The following SNUPN variants were observed in gnomAD, a reference collection of about 807,000 sequenced individuals.
The protein encoded by SNUPN is snurportin-1.
SNUPN carries 31 observed loss-of-function variants against 39.2 expected under a neutral mutation model. The ratio of observed to expected loss-of-function variants is 0.79; its 90% CI spans 0.59 to 1.07. The LOEUF (loss-of-function observed/expected upper bound fraction) is 1.07, where lower values mean the gene tolerates loss of function less well. Ranked by LOEUF, SNUPN falls within the 50% of genes least tolerant of loss-of-function variation. SNUPN has a pLI of 0.00. For synonymous variants in SNUPN, 132 were observed against 159.0 expected (o/e 0.83, Z 1.28); for missense variants, 382 against 434.2 (o/e 0.88, Z 1.07).
intron 2 of SNUPN, among the ~76,000 whole-genome samples, chr15:75,620,592 C>G (rs150657422): frequency 6.6e-6 from 1 of 152,120 alleles, no homozygotes; most frequent in African/African-American, 2.4e-5. Context: ...GCGTGGCTTT[C>G]GCAAGTTCCT....
chr15:75,621,554 G>GC (rs1180018708), intron 1 of SNUPN, among the ~76,000 whole-genome samples: 1 of 152,056 alleles, frequency 6.6e-6, no homozygotes, highest in Admixed American at 6.6e-5. Flanking sequence ...GAGCCACTGC[G>GC]CCCGGCCTTT....
intron 1 of SNUPN, 135 bp from the exon 2 acceptor site, chr15:75,621,191 T>G: frequency 1.3e-6 from 1 of 776,560 alleles, no homozygotes; most frequent in Non-Finnish European, 2.1e-6. Context: ...AGTGTTTCCA[T>G]GAGACAAAAG....
intron 2 of SNUPN, among the ~76,000 whole-genome samples, chr15:75,618,713 A>C (rs1295299943): frequency 6.6e-6 from 1 of 152,176 alleles, no homozygotes; most frequent in Non-Finnish European, 1.5e-5. Context: ...CACACACCAG[A>C]GAGAACATAT....
chr15:75,611,305 T>G (rs1306754590), intron 3 of SNUPN, among the ~76,000 whole-genome samples: 1 of 150,032 alleles, frequency 6.7e-6, no homozygotes, highest in African/African-American at 2.4e-5. Context: ...CAGGCTGGAG[T>G]GCAGTGGCGC....
intron 1 of SNUPN, among the ~76,000 whole-genome samples, chr15:75,622,035 C>CA (rs1444565229): frequency 6.6e-6 from 1 of 150,746 alleles, no homozygotes; most frequent in African/African-American, 2.5e-5. Context: ...GACTTCATCT[C>CA]AAAAAACAAA....
chr15:75,622,356 G>C, intron 1 of SNUPN: 1 of 985,456 alleles, frequency 1.0e-6, no homozygotes. Flanking sequence ...AAAAGAGCTA[G>C]GATGTGGAAG....
At position 75,598,362 on chromosome 15, in the gene SNUPN, T is replaced by C. The variant is rs1382205534; in HGVS notation, c.1079A>G (p.Asn360Ser). ...TCCTTAAGGAGGCTTCTCTCTTTAA[T>C]TCTCCATGAGGCATCCAGGGTGGTC... ...SPDHPGCLMEN is the reference protein window; with the variant it reads ...SPDHPGCLMES The change falls in exon 9 of 9, where the codon AAT becomes AGT. Residue 360 changes from asparagine (N) to serine (S), a missense_variant. Coordinates refer to ENST00000308588, the MANE Select transcript of SNUPN (RefSeq NM_005701.4). 6.2e-7 allele frequency: 1 copy of C among 1,611,792 alleles called. No individual in the cohort carries two copies. Among genetic ancestry groups the C allele is most frequent in the South Asian group, 1.1e-5 (1 of 90,962 alleles).
At chr15:75,608,030 A>C (rs1404699439) in intron 5 of SNUPN, among the ~76,000 whole-genome samples, 4 of 152,124 alleles carry the variant, frequency 2.6e-5, no homozygotes, top group African/African-American at 9.7e-5. Context: ...AGTAGGGGAA[A>C]GACATGGGAT....
At chr15:75,610,079 G>A (rs1892738955) in intron 3 of SNUPN, 85 bp from the exon 4 acceptor site, 2 of 1,036,422 alleles carry the variant, frequency 1.9e-6, no homozygotes, top group Non-Finnish European at 3.0e-6. Context: ...TATCCTGTGT[G>A]TATATTAAAA....
At chr15:75,604,908 T>G (rs1211795870) in intron 7 of SNUPN, among the ~76,000 whole-genome samples, 1 of 152,164 alleles carries the variant, frequency 6.6e-6, no homozygotes, top group African/African-American at 2.4e-5. Flanking sequence ...AAGTCCATTG[T>G]GTCATTCTTA....
At chr15:75,604,277 C>T (rs1371972706) in intron 7 of SNUPN, among the ~76,000 whole-genome samples, 8 of 151,252 alleles carry the variant, frequency 5.3e-5, no homozygotes, top group African/African-American at 1.2e-4. Context: ...TCTCCTGCCT[C>T]AGCCTCCCAA....
chr15:75,607,775 A>C (rs1481461635), intron 5 of SNUPN, among the ~76,000 whole-genome samples: 1 of 152,226 alleles, frequency 6.6e-6, no homozygotes, highest in African/African-American at 2.4e-5. Flanking sequence ...GCTAAATTAC[A>C]GAGCTCATAC....
At chr15:75,600,899 T>G in intron 8 of SNUPN, 1 of 416,900 alleles carries the variant, frequency 2.4e-6, no homozygotes. Context: ...ATCTGTAAGA[T>G]GAGGGAGTTG....
chr15:75,622,046 C>A (rs7177361), intron 1 of SNUPN, among the ~76,000 whole-genome samples: 150,502 of 151,954 alleles, frequency 0.99, 74,534 homozygotes, highest in Non-Finnish European at 1. Flanking sequence ...AAAAAACAAA[C>A]AAACAAACAA....
At chr15:75,619,501 G>A (rs928391406) in intron 2 of SNUPN, among the ~76,000 whole-genome samples, 5 of 151,880 alleles carry the variant, frequency 3.3e-5, no homozygotes, top group Non-Finnish European at 7.4e-5. Flanking sequence ...AATTAGCCAG[G>A]TGCTATGGAG....
At chr15:75,606,190 G>A (rs924033531) in intron 6 of SNUPN, among the ~76,000 whole-genome samples, 5 of 152,152 alleles carry the variant, frequency 3.3e-5, no homozygotes, top group Admixed American at 2.0e-4. Context: ...CAATAAGGAC[G>A]TGTTGTAAGG....
chr15:75,624,728 T>A, intron 1 of SNUPN: 1 of 1,274,536 alleles, frequency 7.8e-7, no homozygotes, highest in Non-Finnish European at 1.0e-6. Context: ...CCTTCAAGGC[T>A]GTTCTTGGCG....
intron 6 of SNUPN, 198 bp from the exon 7 acceptor site, chr15:75,605,425 C>CCTTCT: frequency 2.5e-6 from 1 of 396,526 alleles, no homozygotes; most frequent in Non-Finnish European, 4.6e-6. Flanking sequence ...TCCTGCCTCC[C>CCTTCT]AAGTAGCTGG....
intron 7 of SNUPN, among the ~76,000 whole-genome samples, chr15:75,604,491 C>G (rs371314089): frequency 5.9e-5 from 9 of 152,100 alleles, no homozygotes; most frequent in Admixed American, 5.2e-4. Context: ...GTGAGCAATC[C>G]AAGCAAATGC....
Sources: gnomAD v4.1 joint callset for allele counts (sites outside exome capture counted in the v4.1 genomes callset) on GRCh38, gnomAD v4.1.1 for gene constraint, MANE v1.5 for transcripts, NCBI Gene and HGNC (gene_info 2026-07-23, HGNC 2026-07-21) for gene names.